LRBA: variants seen among roughly 807,000 people sequenced by gnomAD.
LRBA encodes LPS responsive beige-like anchor protein.
Under a neutral mutation model 330.0 loss-of-function variants are expected in LRBA, and 176 were observed. The observed-to-expected ratio is 0.53, with a 90% CI of 0.47 to 0.60. The LOEUF (loss-of-function observed/expected upper bound fraction) is 0.60, where lower values mean the gene tolerates loss of function less well. LRBA is among the 20% of genes least tolerant of loss of function. The probability of loss-of-function intolerance (pLI) is 0.00; values close to 1 mark genes in which losing one functional copy is unlikely to be tolerated. For missense variants in LRBA, 3,259 were observed against 3,444.8 expected (o/e 0.95, Z 1.35); for synonymous variants, 1,230 against 1,193.0 (o/e 1.03, Z -0.64).
intron 54 of LRBA, among the ~76,000 whole-genome samples, chr4:150,285,718 A>G (rs572572577): frequency 6.6e-6 from 1 of 152,254 alleles, no homozygotes; most frequent in Non-Finnish European, 1.5e-5. Flanking sequence ...CACTAGCCAT[A>G]TGTGAGTACT....
chr4:150,996,580 T>G lies in LRBA; in HGVS notation c.216+17847A>C, dbSNP rs975475465. ...ATGCACCATTTGACACATGAAGAAA[T>G]AGATGCAAAGAATCAAAGTATGCAT... On this transcript the variant is annotated intron_variant, in intron 2 of 56. Coordinates refer to ENST00000651943, the MANE Select transcript of LRBA (RefSeq NM_001364905.1). 2.6e-5 allele frequency among the ~76,000 whole-genome samples: 4 copies of G among 152,122 alleles called. No individual in the cohort carries two copies. The East Asian group carries it at 7.7e-4, about 29-fold the overall frequency.
intron 2 of LRBA, among the ~76,000 whole-genome samples, chr4:150,997,234 T>C (rs536694267): frequency 2.0e-5 from 3 of 152,322 alleles, no homozygotes; most frequent in Admixed American, 2.0e-4. Context: ...AATGTAGAAC[T>C]TGGCTAAATT....
At chr4:150,409,793 T>C (rs1007325680) in intron 47 of LRBA, among the ~76,000 whole-genome samples, 29 of 152,152 alleles carry the variant, frequency 1.9e-4, no homozygotes, top group Admixed American at 8.5e-4. Flanking sequence ...GTTTTTTAAC[T>C]AAAAATTTCA....
intron 40 of LRBA, 109 bp from the exon 41 acceptor site, chr4:150,491,144 G>A: frequency 4.2e-6 from 2 of 471,964 alleles, no homozygotes; most frequent in East Asian, 3.3e-5. Flanking sequence ...TAATTTTTAA[G>A]AAAAAGGATT....
intron 37 of LRBA, among the ~76,000 whole-genome samples, chr4:150,682,681 A>G (rs955823693): frequency 6.6e-6 from 1 of 152,120 alleles, no homozygotes. Flanking sequence ...TGATAGACAC[A>G]TAAGTTGATT....
chr4:150,782,231 T>TAA lies in LRBA; in HGVS notation c.5580+15848_5580+15849dup, dbSNP rs575036334. Among the ~76,000 whole-genome samples, 46 of 152,214 alleles carry TAA rather than the reference T, an allele frequency of 3.0e-4. 2 individuals carry two copies. In the South Asian group the frequency reaches 9.5e-3, roughly 32 times the overall value. ...CTTGCTTGTTAAATAAATCATAACT[T>TAA]AACACTGTTACTGAAAGAGGGAGAA... is the stretch of plus-strand genomic sequence containing the variant. On this transcript the variant is annotated intron_variant, in intron 34 of 56. Coordinates refer to ENST00000651943, the MANE Select transcript of LRBA (RefSeq NM_001364905.1).
At chr4:150,405,316 T>A (rs1469266816) in intron 47 of LRBA, among the ~76,000 whole-genome samples, 1 of 152,190 alleles carries the variant, frequency 6.6e-6, no homozygotes, top group East Asian at 1.9e-4. Flanking sequence ...AGATTTAATT[T>A]CAGAAAGAAT....
intron 20 of LRBA, 129 bp from the exon 21 acceptor site, chr4:150,868,434 A>T (rs1753013301): frequency 4.1e-6 from 2 of 487,220 alleles, no homozygotes; most frequent in Non-Finnish European, 3.5e-6. Flanking sequence ...CTCTTCTGTT[A>T]TTAAAAAAAA....
intron 22 of LRBA, among the ~76,000 whole-genome samples, chr4:150,857,599 C>G (rs1306840778): frequency 2.0e-5 from 3 of 152,102 alleles, no homozygotes; most frequent in Non-Finnish European, 2.9e-5. Context: ...TCTGGAAATT[C>G]CACTTACAGG....
At chr4:150,282,249 G>A (rs758479829) in intron 55 of LRBA, among the ~76,000 whole-genome samples, 2 of 152,344 alleles carry the variant, frequency 1.3e-5, no homozygotes, top group East Asian at 1.9e-4. Flanking sequence ...GCTGAGTGAC[G>A]TGGTCAGCAC....
chr4:150,574,984 T>A (rs918066168), intron 40 of LRBA, among the ~76,000 whole-genome samples: 1 of 151,994 alleles, frequency 6.6e-6, no homozygotes, highest in South Asian at 2.1e-4. Context: ...TCTAGATGGA[T>A]CTAAACGTAC....
chr4:150,278,823 G>T (rs1440615621), intron 55 of LRBA, among the ~76,000 whole-genome samples: 1 of 148,732 alleles, frequency 6.7e-6, no homozygotes, highest in African/African-American at 2.5e-5. Flanking sequence ...CCATAAACAG[G>T]TTTTTTTTTT....
intron 40 of LRBA, among the ~76,000 whole-genome samples, chr4:150,553,803 T>C (rs1304830713): frequency 6.6e-6 from 1 of 152,158 alleles, no homozygotes; most frequent in Admixed American, 6.5e-5. Context: ...ATGAGGATTA[T>C]GACATAGAAT....
At chr4:150,501,685 G>A (rs1487007069) in intron 40 of LRBA, among the ~76,000 whole-genome samples, 1 of 151,794 alleles carries the variant, frequency 6.6e-6, no homozygotes, top group African/African-American at 2.4e-5. Flanking sequence ...GGGAAGAAGA[G>A]TAAAATGGAA....
chr4:150,627,745 A>G (rs1206540115), intron 37 of LRBA, among the ~76,000 whole-genome samples: 1 of 152,058 alleles, frequency 6.6e-6, no homozygotes, highest in African/African-American at 2.4e-5. Flanking sequence ...TTTCCAAATC[A>G]TAAGACTACT....
At chr4:150,375,740 A>C (rs1741218345) in intron 47 of LRBA, among the ~76,000 whole-genome samples, 1 of 151,814 alleles carries the variant, frequency 6.6e-6, no homozygotes, top group Admixed American at 6.6e-5. Flanking sequence ...GTGAGCCACC[A>C]AGCCCAGCCT....
intron 5 of LRBA, among the ~76,000 whole-genome samples, chr4:150,919,219 G>A (rs1199083671): frequency 6.6e-6 from 1 of 152,166 alleles, no homozygotes; most frequent in African/African-American, 2.4e-5. Context: ...AATATGGGGA[G>A]TGGCTGCTAA....
chr4:150,740,323 GA>G (rs1184215500), intron 35 of LRBA, among the ~76,000 whole-genome samples: 1 of 151,904 alleles, frequency 6.6e-6, no homozygotes, highest in East Asian at 1.9e-4. Context: ...AGTGAACACT[GA>G]AAGTTAAATA....
At chr4:150,386,314 T>C (rs1357015323) in intron 47 of LRBA, among the ~76,000 whole-genome samples, 1 of 152,160 alleles carries the variant, frequency 6.6e-6, no homozygotes. Context: ...TTAACAAATT[T>C]AAAAAGGATA....
Sources: gnomAD v4.1 joint callset for allele counts (sites outside exome capture counted in the v4.1 genomes callset) on GRCh38, gnomAD v4.1.1 for gene constraint, MANE v1.5 for transcripts, NCBI Gene and HGNC (gene_info 2026-07-23, HGNC 2026-07-21) for gene names.